Variants in GRAMD1B observed in about 807,000 individuals in gnomAD.
GRAMD1B encodes the protein protein Aster-B.
GRAMD1B carries 37 observed loss-of-function variants against 99.7 expected under a neutral mutation model. The ratio of observed to expected loss-of-function variants is 0.37; its 90% CI spans 0.29 to 0.49. GRAMD1B has a LOEUF of 0.49. GRAMD1B is among the 20% of genes least tolerant of loss of function. The probability of loss-of-function intolerance (pLI) is 0.98; values close to 1 mark genes in which losing one functional copy is unlikely to be tolerated. For synonymous variants in GRAMD1B, 427 were observed against 387.6 expected (o/e 1.10, Z -1.19); for missense variants, 888 against 1,009.2 (o/e 0.88, Z 1.63).
intron 8 of GRAMD1B, 130 bp downstream of exon 8, chr11:123,600,678 G>A (rs1951835261): frequency 3.4e-6 from 2 of 591,016 alleles, no homozygotes; most frequent in Non-Finnish European, 6.0e-6. Flanking sequence ...AGTCCTGAAA[G>A]TAGCATATAA....
chr11:123,478,307 T>C (rs1178958173), intron 1 of GRAMD1B, among the ~76,000 whole-genome samples: 1 of 152,244 alleles, frequency 6.6e-6, no homozygotes. Flanking sequence ...CCAACCCGCC[T>C]GGTTCCATAC....
rs981645013 is a variant in GRAMD1B at position 123,613,156 on chromosome 11, C to T, written c.2023+292C>T. ...CCTAGTGATATAGGTGGCTCTGTGA[C>T]GAGAAGTATTTGTAAAATGCCTGTG... On this transcript the variant is annotated intron_variant, in intron 15 of 19. Coordinates refer to ENST00000635736, the MANE Select transcript of GRAMD1B (RefSeq NM_001387025.1). 1.5e-4 allele frequency: 84 copies of T among 548,278 alleles called. 1 individual carries two copies. Among genetic ancestry groups the T allele is most frequent in the Middle Eastern group, 9.5e-4 (2 of 2,106 alleles). 34.0% of individuals were successfully genotyped at this position (548,278 alleles called of 1,614,324 possible).
At chr11:123,564,070 G>T (rs1202955098) in intron 2 of GRAMD1B, among the ~76,000 whole-genome samples, 5 of 152,214 alleles carry the variant, frequency 3.3e-5, no homozygotes, top group Non-Finnish European at 7.3e-5. Context: ...GGTCAGGGGA[G>T]GAGCGATATG....
At chr11:123,438,506 A>G (rs182373453) in intron 1 of GRAMD1B, among the ~76,000 whole-genome samples, 1 of 152,310 alleles carries the variant, frequency 6.6e-6, no homozygotes, top group Admixed American at 6.5e-5. Flanking sequence ...TTGACGGTCT[A>G]GGTGGACTCC....
intron 1 of GRAMD1B, among the ~76,000 whole-genome samples, chr11:123,440,196 A>T (rs1410768509): frequency 6.6e-6 from 1 of 152,236 alleles, no homozygotes; most frequent in African/African-American, 2.4e-5. Context: ...AGTGAGCACA[A>T]GAAATCATTT....
In GRAMD1B at chr11:123,606,739, T is replaced by A. The variant is rs1258706185; in HGVS notation, c.1454T>A (p.Phe485Tyr). 3 of 1,613,790 alleles carry A rather than the reference T, an allele frequency of 1.9e-6. No individual in the cohort carries two copies. The highest frequency in any genetic ancestry group is 2.5e-6 in the Non-Finnish European group (3 of 1,179,794). ...IAPVNSPSLD[F>Y]NDNEDIPTEL... ...CCTGTGAACTCCCCTTCACTGGACT[T>A]CAATGACAATGAGGACATCCCCACT... is the stretch of plus-strand genomic sequence containing the variant. The change falls in exon 11 of 20, where the codon TTC becomes TAC. Residue 485 changes from phenylalanine to tyrosine, a missense_variant. Physicochemically the swap from Phe to Tyr is conservative, Grantham distance 22. Transcript: ENST00000635736.
intron 2 of GRAMD1B, among the ~76,000 whole-genome samples, chr11:123,518,696 C>G (rs546938412): frequency 6.6e-6 from 1 of 152,298 alleles, no homozygotes; most frequent in African/African-American, 2.4e-5. Context: ...CTTCACTGGG[C>G]TGCTGTAAGA....
intron 1 of GRAMD1B, among the ~76,000 whole-genome samples, chr11:123,404,200 G>T (rs893779342): frequency 6.6e-6 from 1 of 152,198 alleles, no homozygotes; most frequent in Non-Finnish European, 1.5e-5. Flanking sequence ...TGAGAAGCAC[G>T]TAATGCCTGA....
At chr11:123,436,176 C>T (rs925851700) in intron 1 of GRAMD1B, among the ~76,000 whole-genome samples, 1 of 152,058 alleles carries the variant, frequency 6.6e-6, no homozygotes, top group African/African-American at 2.4e-5. Context: ...CTCCTGACCT[C>T]ATGATCTGCC....
At chr11:123,406,608 C>T (rs1417041342) in intron 1 of GRAMD1B, among the ~76,000 whole-genome samples, 1 of 152,158 alleles carries the variant, frequency 6.6e-6, no homozygotes. Context: ...ACTCTGGGCT[C>T]TGCCACTACA....
At chr11:123,359,873 C>T (rs1192967678) in intron 1 of GRAMD1B, among the ~76,000 whole-genome samples, 1 of 152,220 alleles carries the variant, frequency 6.6e-6, no homozygotes, top group Admixed American at 6.5e-5. Flanking sequence ...GCTTTCTCCT[C>T]TGCCAACGCC....
intron 2 of GRAMD1B, among the ~76,000 whole-genome samples, chr11:123,530,542 A>G (rs943337051): frequency 6.6e-6 from 1 of 152,028 alleles, no homozygotes; most frequent in Non-Finnish European, 1.5e-5. Context: ...CACCACACCC[A>G]GCTAATTTTT....
At chr11:123,425,317 T>C (rs991546968), upstream of GRAMD1B, among the ~76,000 whole-genome samples, 2 of 152,152 alleles carry the variant, frequency 1.3e-5, no homozygotes, top group Non-Finnish European at 2.9e-5. Context: ...GCCACCTGCT[T>C]TCCTTGGGAT....
intron 3 of GRAMD1B, among the ~76,000 whole-genome samples, chr11:123,582,886 T>G (rs1949535029): frequency 6.6e-6 from 1 of 152,236 alleles, no homozygotes. Flanking sequence ...TCCAGACCTC[T>G]GGGTGGAGCT....
At chr11:123,584,218 C>T in intron 3 of GRAMD1B, 94 bp from the exon 4 acceptor site, 2 of 717,764 alleles carry the variant, frequency 2.8e-6, no homozygotes. Context: ...CTCCTCCCTG[C>T]CCACCCTCCG....
chr11:123,608,244 G>A, intron 11 of GRAMD1B: 1 of 509,302 alleles, frequency 2.0e-6, no homozygotes, highest in Non-Finnish European at 3.5e-6. Flanking sequence ...CCTATGCCAT[G>A]GGTTACAACT....
At chr11:123,482,465 G>A (rs187243596) in intron 2 of GRAMD1B, among the ~76,000 whole-genome samples, 319 of 152,234 alleles carry the variant, frequency 2.1e-3, no homozygotes, top group African/African-American at 6.2e-3. Context: ...GATTTATTTC[G>A]CAAGTGTAGA....
rs112173665 is a variant in GRAMD1B at position 123,533,262 on chromosome 11, C to T, written c.453-44105C>T. Among the ~76,000 whole-genome samples the T allele has an allele frequency of 2.6e-3, 395 of 151,756 alleles. 1 individual carries two copies. Among genetic ancestry groups the T allele is most frequent in the Non-Finnish European group, 4.8e-3 (323 of 67,868 alleles). On this transcript the variant is annotated intron_variant, in intron 2 of 19. Coordinates refer to ENST00000635736, the MANE Select transcript of GRAMD1B (RefSeq NM_001387025.1). ...CTGGGATTACAGGCGTGAGCCACCG[C>T]GCCTGGCCTGTTTATTAATTCTTAG...
chr11:123,540,367 A>C (rs947627374), intron 2 of GRAMD1B, among the ~76,000 whole-genome samples: 4 of 152,200 alleles, frequency 2.6e-5, no homozygotes, highest in African/African-American at 7.2e-5. Flanking sequence ...AGCATGAGCC[A>C]CAGCACCCAG....
Sources: allele counts gnomAD v4.1 joint callset (sites outside exome capture counted in the v4.1 genomes callset), GRCh38; gene constraint gnomAD v4.1.1; transcripts MANE v1.5; gene names NCBI Gene and HGNC (gene_info 2026-07-23, HGNC 2026-07-21).